Variants in OAS3 observed in about 807,000 individuals in gnomAD.
OAS3 encodes 2'-5'-oligoadenylate synthetase 3, also known as 2'-5'-oligoadenylate synthase 3.
OAS3 carries 107 observed loss-of-function variants against 113.0 expected under a neutral mutation model. The observed-to-expected ratio is 0.95, with a 90% CI of 0.81 to 1.11. The LOEUF is 1.11. OAS3 is among the 50% of genes most tolerant of loss of function. OAS3 has a pLI of 0.00. For missense variants in OAS3, 1,258 were observed against 1,389.1 expected (o/e 0.91, Z 1.50); for synonymous variants, 552 against 573.6 (o/e 0.96, Z 0.54).
At chr12:112,959,858 A>G (rs1220388331) in intron 7 of OAS3, among the ~76,000 whole-genome samples, 2 of 152,052 alleles carry the variant, frequency 1.3e-5, no homozygotes, top group African/African-American at 4.8e-5. Flanking sequence ...TCTTTCTTAA[A>G]TCAATCAGTT....
chr12:112,944,669 G>T lies in OAS3; in HGVS notation c.636+18G>T. 6.2e-7 allele frequency: 1 copy of T among 1,613,480 alleles called. No homozygotes were observed. The highest frequency in any genetic ancestry group is 1.1e-5 in the South Asian group (1 of 91,072). Reference sequence around the variant, plus strand: ...ACCACCAGGTGAAGCCACTTGGAAGGGTTTCTCCAGACATGTGACTGTTTG... The same window carrying T: ...ACCACCAGGTGAAGCCACTTGGAAGTGTTTCTCCAGACATGTGACTGTTTG... On this transcript the variant is annotated intron_variant, in intron 3 of 15. Coordinates refer to ENST00000228928, the MANE Select transcript of OAS3 (RefSeq NM_006187.4).
chr12:112,941,028 C>T (rs1015839277), intron 1 of OAS3, among the ~76,000 whole-genome samples: 1 of 151,964 alleles, frequency 6.6e-6, no homozygotes, highest in African/African-American at 2.4e-5. Flanking sequence ...AATAAAATTA[C>T]AAGTATGGAT....
chr12:112,965,576 C>CTT (rs1215093771), intron 11 of OAS3, among the ~76,000 whole-genome samples, 168 bp from the exon 12 acceptor site: 1 of 152,230 alleles, frequency 6.6e-6, no homozygotes, highest in East Asian at 1.9e-4. Flanking sequence ...TTGCACGCTT[C>CTT]TTTTTCTTAC....
At chr12:112,943,030 G>T (rs549004820) in intron 2 of OAS3, among the ~76,000 whole-genome samples, 3 of 151,882 alleles carry the variant, frequency 2.0e-5, no homozygotes, top group East Asian at 3.9e-4. Flanking sequence ...CTCCGTCCTG[G>T]GTTCAAGCAA....
intron 13 of OAS3, 59 bp from the exon 14 acceptor site, chr12:112,967,877 C>A: frequency 6.5e-7 from 1 of 1,542,292 alleles, no homozygotes; most frequent in South Asian, 1.3e-5. Flanking sequence ...CCAGAATAAT[C>A]CCTTCTGTAC....
chr12:112,960,600 T>C (rs913808106), intron 7 of OAS3, among the ~76,000 whole-genome samples: 2 of 152,170 alleles, frequency 1.3e-5, no homozygotes, highest in Non-Finnish European at 2.9e-5. Context: ...ACATGTAGAT[T>C]TCAATTGATT....
chr12:112,955,600 C>A (rs2043826608), intron 7 of OAS3, among the ~76,000 whole-genome samples: 1 of 152,270 alleles, frequency 6.6e-6, no homozygotes, highest in Admixed American at 6.5e-5. Flanking sequence ...GTCTTTGGTT[C>A]TGCTTTTATG....
chr12:112,966,477 T>C (rs746965085), intron 12 of OAS3, among the ~76,000 whole-genome samples: 6 of 152,230 alleles, frequency 3.9e-5, no homozygotes, highest in Non-Finnish European at 8.8e-5. Flanking sequence ...TGCCCAGTGC[T>C]CTTCCAGGCA....
intron 12 of OAS3, among the ~76,000 whole-genome samples, chr12:112,966,488 C>T (rs952015485): frequency 3.3e-5 from 5 of 152,144 alleles, no homozygotes; most frequent in African/African-American, 1.2e-4. Flanking sequence ...CTTCCAGGCA[C>T]CAAAAATAAA....
At chr12:112,950,641 G>T in intron 6 of OAS3, 52 bp from the exon 7 acceptor site, 2 of 1,587,250 alleles carry the variant, frequency 1.3e-6, no homozygotes, top group South Asian at 2.3e-5. Context: ...ATCGTAGTCC[G>T]ACTCCCAGGC....
chr12:112,950,529 A>G, intron 6 of OAS3, 164 bp from the exon 7 acceptor site: 1 of 745,870 alleles, frequency 1.3e-6, no homozygotes, highest in East Asian at 2.5e-5. Flanking sequence ...TCACAATTCT[A>G]AGAGGTCACA....
chr12:112,940,017 G>A (rs6489879), intron 1 of OAS3, among the ~76,000 whole-genome samples: 113,247 of 152,106 alleles, frequency 0.74, 43,439 homozygotes, highest in African/African-American at 0.94. Context: ...GGAAAGCCCT[G>A]GCATCCTTAG....
chr12:112,967,118 A>G (rs1279612314), intron 12 of OAS3, among the ~76,000 whole-genome samples: 1 of 152,232 alleles, frequency 6.6e-6, no homozygotes, highest in Non-Finnish European at 1.5e-5. Flanking sequence ...AGACAGAAAG[A>G]TAAGTAAGTA....
intron 1 of OAS3, among the ~76,000 whole-genome samples, chr12:112,940,973 A>C (rs1331027595): frequency 6.6e-6 from 1 of 152,234 alleles, no homozygotes; most frequent in African/African-American, 2.4e-5. Flanking sequence ...ACTGCACTCC[A>C]GCCTAGGCAA....
rs575410317 is a variant in OAS3, at chr12:112,947,925, C to T, written c.876-21C>T. On this transcript the variant is annotated intron_variant, in intron 4 of 15. Coordinates refer to ENST00000228928, the MANE Select transcript of OAS3 (RefSeq NM_006187.4). Reference sequence around the variant, plus strand: ...GAGCCCTCTTGCTAACCAGAACCTTCTTGTCTCTCTGAAATTGCAGGCCTG... The same window carrying T: ...GAGCCCTCTTGCTAACCAGAACCTTTTTGTCTCTCTGAAATTGCAGGCCTG... The T allele has an allele frequency of 1.8e-4, 284 of 1,562,736 alleles. 6 individuals are homozygous for T. In the South Asian group the frequency reaches 3.1e-3, roughly 17 times the overall value.
rs2043900542 is a variant in OAS3 at position 112,962,871 on chromosome 12, A to T, written c.2053A>T (p.Met685Leu). The T allele has an allele frequency of 2.5e-6, 4 of 1,613,948 alleles. No homozygotes were observed. The highest frequency in any genetic ancestry group is 4.5e-5 in the East Asian group (2 of 44,870). Residue 685 changes from methionine to leucine, a missense_variant, in exon 9 of 16, where the codon ATG becomes TTG. Transcript: ENST00000228928. Reference sequence around the variant, plus strand: ...TAGCACTGAGGACCCAGCCATGAGAATGCACCTTCTTGGCCAGCTTCGAAA... The same window carrying T: ...TAGCACTGAGGACCCAGCCATGAGATTGCACCTTCTTGGCCAGCTTCGAAA... ...NYSTEDPAMR[M>L]HLLGQLRKPR...
At chr12:112,957,232 T>C (rs2043843256) in intron 7 of OAS3, among the ~76,000 whole-genome samples, 2 of 152,240 alleles carry the variant, frequency 1.3e-5, no homozygotes, top group Non-Finnish European at 2.9e-5. Flanking sequence ...TATGTGTGTC[T>C]CTGCATGTGA....
chr12:112,961,796 A>C (rs2043889478), intron 8 of OAS3, among the ~76,000 whole-genome samples: 1 of 149,660 alleles, frequency 6.7e-6, no homozygotes, highest in African/African-American at 2.5e-5. Context: ...ACATTCTTTC[A>C]TAGCCTTTTT....
At position 112,971,543 on chromosome 12, in the gene OAS3, A is replaced by C. The variant is rs978671413; in HGVS notation, c.*1570A>C. 2.0e-5 allele frequency: 3 copies of C among 152,384 alleles called. No individual in the cohort carries two copies. Among genetic ancestry groups the C allele is most frequent in the African/African-American group, 7.2e-5 (3 of 41,476 alleles). 9.4% of individuals were successfully genotyped at this position (152,384 alleles called of 1,614,324 possible). On this transcript the variant is annotated 3_prime_UTR_variant, in exon 16 of 16. Coordinates refer to ENST00000228928, the MANE Select transcript of OAS3 (RefSeq NM_006187.4). ...GTGGATGAGGGAGTGGGTCTATCTC[A>C]GAGGAAGGAACAGGAAACAAAGAAA... is the stretch of plus-strand genomic sequence containing the variant.
Sources: allele counts gnomAD v4.1 joint callset (sites outside exome capture counted in the v4.1 genomes callset), GRCh38; gene constraint gnomAD v4.1.1; transcripts MANE v1.5; gene names NCBI Gene and HGNC (gene_info 2026-07-23, HGNC 2026-07-21).